Variants in C2orf78 observed in about 807,000 individuals in gnomAD.
The protein encoded by C2orf78 is chromosome 2 open reading frame 78.
A neutral mutation model predicts 21.4 loss-of-function variants in C2orf78; 12 were observed. The ratio of observed to expected loss-of-function variants is 0.56; its 90% CI spans 0.36 to 0.91. The LOEUF is 0.91. Among genes scored for constraint, C2orf78 ranks in the 40% least tolerant of loss-of-function variants. The pLI is 0.01. For missense variants in C2orf78, 1,042 were observed against 1,092.4 expected (o/e 0.95, Z 0.65); for synonymous variants, 396 against 413.9 (o/e 0.96, Z 0.52).
intron 1 of C2orf78, among the ~76,000 whole-genome samples, chr2:73,786,528 T>A (rs1332793254): frequency 1.3e-5 from 1 of 76,108 alleles, no homozygotes; most frequent in African/African-American, 5.3e-5. Context: ...TAACTCATTT[T>A]ATCACAGTTA....
chr2:73,810,014 G>GA (rs1366592715), intron 1 of C2orf78, among the ~76,000 whole-genome samples: 7 of 149,162 alleles, frequency 4.7e-5, no homozygotes, highest in South Asian at 2.1e-4. Flanking sequence ...TTTTAAATTT[G>GA]AAAAAAAAAG....
chr2:73,816,569 A>G, exon 3 of C2orf78: 1 of 1,613,568 alleles, frequency 6.2e-7, no homozygotes, highest in South Asian at 1.1e-5. Context: ...GTCCTGCCAC[A>G]CCAGCTCAGC....
chr2:73,816,241 C>T, exon 3 of C2orf78: 1 of 1,613,914 alleles, frequency 6.2e-7, no homozygotes, highest in Non-Finnish European at 8.5e-7. Context: ...GCTCTCAAAC[C>T]ATGGCTGGAT....
rs1208272776 is a variant in C2orf78 at position 73,806,984 on chromosome 2, T to C, written c.98-6493T>C. Among the ~76,000 whole-genome samples the C allele has an allele frequency of 2.1e-5, 3 of 139,958 alleles. 1 individual carries two copies. Among genetic ancestry groups the C allele is most frequent in the African/African-American group, 6.1e-5 (2 of 32,588 alleles). 91.8% of individuals were successfully genotyped at this position (139,958 alleles called of 152,430 possible). ...GGCAGATCCCAAGGTCAGGAGACCA[T>C]CCTCGCTGACACGGTGAAACCCCGT... On this transcript the variant is annotated intron_variant, in intron 1 of 2. Coordinates refer to ENST00000409561, the Ensembl canonical transcript of C2orf78.
At chr2:73,810,021 A>T (rs1042634823) in intron 1 of C2orf78, among the ~76,000 whole-genome samples, 8 of 152,216 alleles carry the variant, frequency 5.3e-5, no homozygotes, top group Non-Finnish European at 1.0e-4. Context: ...TTTGAAAAAA[A>T]AAGCAAAAGG....
chr2:73,785,969 C>T (rs1012839219), intron 1 of C2orf78, among the ~76,000 whole-genome samples: 2 of 151,840 alleles, frequency 1.3e-5, no homozygotes, highest in African/African-American at 4.8e-5. Flanking sequence ...TCACTTGAAC[C>T]CGAGAGGCAA....
At chr2:73,810,688 A>G (rs1423796313) in intron 1 of C2orf78, among the ~76,000 whole-genome samples, 2 of 133,242 alleles carry the variant, frequency 1.5e-5, no homozygotes, top group East Asian at 2.0e-4. Flanking sequence ...AAATATACAT[A>G]TATATTTTAT....
chr2:73,815,392 T>C (rs1029138082), exon 3 of C2orf78: 12 of 1,613,852 alleles, frequency 7.4e-6, no homozygotes, highest in African/African-American at 1.3e-5. Context: ...CTACTTCCTG[T>C]AGAAATCCCC....
At chr2:73,815,294 T>C (rs1256579129) in exon 3 of C2orf78, 1 of 1,613,634 alleles carries the variant, frequency 6.2e-7, no homozygotes, top group Non-Finnish European at 8.5e-7. Context: ...AGGAAAAAAA[T>C]GAGAATGAGA....
exon 3 of C2orf78, chr2:73,816,265 G>A (rs751103911): frequency 1.2e-6 from 2 of 1,613,762 alleles, no homozygotes; most frequent in African/African-American, 1.3e-5. Flanking sequence ...CAACATGAGG[G>A]TAAAGGCCCG....
exon 3 of C2orf78, chr2:73,816,323 A>C (rs1673196468): frequency 2.5e-6 from 4 of 1,613,800 alleles, no homozygotes; most frequent in Non-Finnish European, 3.4e-6. Flanking sequence ...GTGCTGAAAA[A>C]GAGTGTACAT....
chr2:73,809,534 C>G (rs982280558), intron 1 of C2orf78, among the ~76,000 whole-genome samples: 1 of 151,888 alleles, frequency 6.6e-6, no homozygotes, highest in African/African-American at 2.4e-5. Context: ...CCTGCAATGT[C>G]AATGCTTTGG....
At chr2:73,814,178 A>C in exon 2 of C2orf78, 1 of 1,604,390 alleles carries the variant, frequency 6.2e-7, no homozygotes, top group Non-Finnish European at 8.5e-7. Context: ...TACTTCTGGG[A>C]TGTATTACTC....
chr2:73,784,782 T>C (rs931880071), intron 1 of C2orf78, among the ~76,000 whole-genome samples: 1 of 151,492 alleles, frequency 6.6e-6, no homozygotes, highest in African/African-American at 2.5e-5. Flanking sequence ...ACTAGCAATA[T>C]ATTCTGAGAT....
intron 1 of C2orf78, chr2:73,808,782 C>T: frequency 6.8e-7 from 1 of 1,465,542 alleles, no homozygotes; most frequent in Non-Finnish European, 9.2e-7. Context: ...TAACCAGTGA[C>T]CAGTGGCCTT....
intron 1 of C2orf78, among the ~76,000 whole-genome samples, chr2:73,810,167 G>A (rs1306544785): frequency 6.6e-6 from 1 of 151,856 alleles, no homozygotes; most frequent in East Asian, 1.9e-4. Context: ...GTCATATTCA[G>A]TTGTTTTTTT....
Position 73,813,620 on chromosome 2 carries a change from C to T in C2orf78, c.241C>T (p.Gln81Ter), listed in dbSNP as rs762975768. The change falls in exon 2 of 3, where the codon CAG becomes TAG. Residue 81 changes from glutamine (Q) to a stop codon, truncating the protein, a stop_gained. Transcript: ENST00000409561. LOFTEE classifies it high-confidence loss of function. ...TCCAGCCATCAGCTCAGCATGGCTA[C>T]AGCCATCAGCCTCTGGCACCTCCTT... 29 of 1,613,948 alleles carry T rather than the reference C, an allele frequency of 1.8e-5. No individual in the cohort carries two copies. The highest frequency in any genetic ancestry group is 3.3e-5 in the Admixed American group (2 of 60,012).
rs1214863596 is a variant in C2orf78, at chr2:73,813,561, C to G, written c.182C>G (p.Thr61Arg). 6.2e-6 allele frequency: 10 copies of G among 1,613,896 alleles called. No homozygotes were observed. The East Asian group carries it at 1.1e-4, about 18-fold the overall frequency. ...GTGGTGAGCAATGCAGCTTTCTTAA[C>G]AGGAAGCATCTCCAACTTCTCCAGA... Residue 61 changes from threonine to arginine, a missense_variant, in exon 2 of 3, where the codon ACA (threonine) becomes AGA (arginine). Physicochemically the swap from Thr to Arg is moderately conservative, Grantham distance 71. Transcript: ENST00000409561.
At chr2:73,810,982 A>T (rs1050194812) in intron 1 of C2orf78, among the ~76,000 whole-genome samples, 1 of 145,756 alleles carries the variant, frequency 6.9e-6, no homozygotes, top group African/African-American at 2.5e-5. Flanking sequence ...ATATATATAT[A>T]TATATGTTTT....
Sources: gnomAD v4.1 joint callset for allele counts (sites outside exome capture counted in the v4.1 genomes callset) on GRCh38, gnomAD v4.1.1 for gene constraint, MANE v1.5 for transcripts, NCBI Gene and HGNC (gene_info 2026-07-23, HGNC 2026-07-21) for gene names.